PTPRD: variants seen among roughly 807,000 people sequenced by gnomAD.
The protein encoded by PTPRD is protein tyrosine phosphatase receptor type D.
Under a neutral mutation model 214.5 loss-of-function variants are expected in PTPRD, and 34 were observed. The ratio of observed to expected loss-of-function variants is 0.16; its 90% confidence interval spans 0.12 to 0.21. The LOEUF (loss-of-function observed/expected upper bound fraction) is 0.21. Ranked by LOEUF, PTPRD falls within the 10% of genes least tolerant of loss-of-function variation. The probability of loss-of-function intolerance (pLI) is 1.00; values close to 1 mark genes in which losing one functional copy is unlikely to be tolerated. For synonymous variants in PTPRD, 1,128 were observed against 845.7 expected (o/e 1.33, Z -5.79); for missense variants, 2,545 against 2,398.7 (o/e 1.06, Z -1.27).
At chr9:9,255,624 C>G (rs1431727491) in intron 9 of PTPRD, among the ~76,000 whole-genome samples, 1 of 151,930 alleles carries the variant, frequency 6.6e-6, no homozygotes, top group East Asian at 1.9e-4. Context: ...TATAGATGTA[C>G]AAAGAGATGC....
At chr9:8,660,826 A>G (rs1026719238) in intron 12 of PTPRD, among the ~76,000 whole-genome samples, 1 of 152,108 alleles carries the variant, frequency 6.6e-6, no homozygotes, top group Non-Finnish European at 1.5e-5. Context: ...CATTCCTTCC[A>G]TCAACTTACA....
intron 7 of PTPRD, among the ~76,000 whole-genome samples, chr9:9,669,200 A>C (rs139221574): frequency 5.3e-5 from 8 of 152,316 alleles, no homozygotes; most frequent in African/African-American, 1.9e-4. Context: ...ATGCACAACT[A>C]TGTTTATTGC....
intron 10 of PTPRD, among the ~76,000 whole-genome samples, chr9:9,160,796 A>G (rs2099886771): frequency 6.6e-6 from 1 of 152,212 alleles, no homozygotes; most frequent in Non-Finnish European, 1.5e-5. Flanking sequence ...ATCAACAGAT[A>G]ATAGATTAAA....
At chr9:8,664,590 T>C (rs563483269) in intron 12 of PTPRD, among the ~76,000 whole-genome samples, 83 of 152,302 alleles carry the variant, frequency 5.4e-4, no homozygotes, top group African/African-American at 1.8e-3. Context: ...ATCTATACTT[T>C]CCTAGTGAGC....
chr9:8,844,069 T>C (rs1316311038), intron 11 of PTPRD, among the ~76,000 whole-genome samples: 2 of 152,232 alleles, frequency 1.3e-5, no homozygotes, highest in African/African-American at 4.8e-5. Flanking sequence ...TCCAGACGTA[T>C]GGAAACATAA....
chr9:9,279,342 T>TTATATATA (rs113014721), intron 9 of PTPRD, among the ~76,000 whole-genome samples: 108 of 145,160 alleles, frequency 7.4e-4, no homozygotes, highest in African/African-American at 2.7e-3. Flanking sequence ...ATACCTAAAT[T>TTATATATA]TATATATATA....
chr9:9,488,315 T>C (rs1046283585), intron 8 of PTPRD, among the ~76,000 whole-genome samples: 1 of 152,214 alleles, frequency 6.6e-6, no homozygotes, highest in Non-Finnish European at 1.5e-5. Context: ...AATGTATTAG[T>C]GGTCTACAAT....
At chr9:10,396,426 G>A (rs1244033713) in intron 2 of PTPRD, among the ~76,000 whole-genome samples, 1 of 151,914 alleles carries the variant, frequency 6.6e-6, no homozygotes, top group Admixed American at 6.6e-5. Flanking sequence ...GTTGGGAAGG[G>A]TTGTAAAATA....
intron 43 of PTPRD, 100 bp from the exon 44 acceptor site, chr9:8,331,836 C>CA (rs1221152570): frequency 1.1e-5 from 15 of 1,400,288 alleles, no homozygotes; most frequent in Non-Finnish European, 1.4e-5. Context: ...TTCCCGAAAA[C>CA]AAAAAGGGTA....
intron 5 of PTPRD, among the ~76,000 whole-genome samples, chr9:9,854,517 C>T (rs1020632896): frequency 6.9e-6 from 1 of 144,918 alleles, no homozygotes; most frequent in African/African-American, 2.5e-5. Flanking sequence ...ATTTTTTTCT[C>T]AGAAAAAAAA....
chr9:9,017,838 TA>T (rs1403591096), intron 11 of PTPRD, among the ~76,000 whole-genome samples: 1 of 152,134 alleles, frequency 6.6e-6, no homozygotes, highest in Non-Finnish European at 1.5e-5. Context: ...AGCAAAAATT[TA>T]AAATGGAACT....
chr9:10,304,144 C>G (rs575892168), intron 3 of PTPRD, among the ~76,000 whole-genome samples: 24 of 152,250 alleles, frequency 1.6e-4, no homozygotes, highest in African/African-American at 5.3e-4. Flanking sequence ...ATCACATAAA[C>G]AGAACCAATG....
At chr9:10,043,669 T>G (rs1006806893) in intron 3 of PTPRD, among the ~76,000 whole-genome samples, 11 of 151,788 alleles carry the variant, frequency 7.2e-5, no homozygotes, top group African/African-American at 2.2e-4. Context: ...GGTTCACACC[T>G]AAAGATCAAA....
chr9:9,639,220 G>T (rs548815552), intron 7 of PTPRD, among the ~76,000 whole-genome samples: 2 of 152,226 alleles, frequency 1.3e-5, no homozygotes, highest in South Asian at 4.2e-4. Flanking sequence ...CTCAGTCTTA[G>T]ATCCTAAGCT....
chr9:8,900,081 G>T (rs747126232), intron 11 of PTPRD, among the ~76,000 whole-genome samples: 9 of 152,088 alleles, frequency 5.9e-5, no homozygotes, highest in Non-Finnish European at 1.2e-4. Context: ...CTGAGTAATG[G>T]ACTATTCTAT....
intron 11 of PTPRD, among the ~76,000 whole-genome samples, chr9:8,795,456 C>A (rs950829582): frequency 9.2e-5 from 14 of 152,132 alleles, no homozygotes; most frequent in Admixed American, 7.9e-4. Context: ...GTGTGAGCCA[C>A]CACACCCAGC....
At chr9:8,617,866 C>CA (rs767704248) in intron 14 of PTPRD, among the ~76,000 whole-genome samples, 75 of 152,174 alleles carry the variant, frequency 4.9e-4, no homozygotes, top group Middle Eastern at 3.4e-3. Flanking sequence ...AATTTCAGCA[C>CA]AGAACATACT....
chr9:9,616,371 G>C (rs1473671056), intron 7 of PTPRD, among the ~76,000 whole-genome samples: 2 of 152,066 alleles, frequency 1.3e-5, no homozygotes, highest in Non-Finnish European at 2.9e-5. Context: ...GCCTGTTACT[G>C]TTCCTGTAAG....
At chr9:8,668,526 T>C (rs908035831) in intron 12 of PTPRD, among the ~76,000 whole-genome samples, 15 of 152,214 alleles carry the variant, frequency 9.9e-5, no homozygotes, top group African/African-American at 3.4e-4. Context: ...AATAAGATAA[T>C]TTCTGATTTT....
Sources: gnomAD v4.1 joint callset for allele counts (sites outside exome capture counted in the v4.1 genomes callset) on GRCh38, gnomAD v4.1.1 for gene constraint, MANE v1.5 for transcripts, NCBI Gene and HGNC (gene_info 2026-07-23, HGNC 2026-07-21) for gene names.